NELL2: variants seen among roughly 807,000 people sequenced by gnomAD.
The protein encoded by NELL2 is protein kinase C-binding protein NELL2.
In NELL2, 41 loss-of-function variants were observed where a neutral mutation model predicts 109.6. The ratio of observed to expected loss-of-function variants is 0.37; its 90% CI spans 0.29 to 0.49. The LOEUF (loss-of-function observed/expected upper bound fraction) is 0.49, where lower values mean the gene tolerates loss of function less well. Ranked by LOEUF, NELL2 falls within the 20% of genes least tolerant of loss-of-function variation. The pLI is 0.98. For synonymous variants in NELL2, 355 were observed against 344.7 expected (o/e 1.03, Z -0.33); for missense variants, 900 against 1,008.3 (o/e 0.89, Z 1.45).
chr12:44,825,615 C>T (rs1203206527), intron 2 of NELL2, among the ~76,000 whole-genome samples: 8 of 150,528 alleles, frequency 5.3e-5, no homozygotes, highest in Middle Eastern at 3.4e-3. Flanking sequence ...AAGATGGTCT[C>T]GATCTCTTGA....
intron 9 of NELL2, among the ~76,000 whole-genome samples, chr12:44,771,180 G>A (rs1017691288): frequency 3.3e-5 from 5 of 152,032 alleles, no homozygotes; most frequent in African/African-American, 7.2e-5. Flanking sequence ...GCCTGAGACC[G>A]GGATAAAGGA....
chr12:44,525,382 T>C (rs1056959092), intron 16 of NELL2, among the ~76,000 whole-genome samples: 2 of 152,198 alleles, frequency 1.3e-5, no homozygotes, highest in Non-Finnish European at 2.9e-5. Flanking sequence ...GGCATGTACT[T>C]GTTATACCTG....
At chr12:44,840,938 A>G (rs1592636284) in intron 2 of NELL2, among the ~76,000 whole-genome samples, 1 of 152,210 alleles carries the variant, frequency 6.6e-6, no homozygotes. Context: ...TGAGGCGATA[A>G]CAAGTAGTTT....
chr12:44,844,487 G>A (rs1233060652), intron 2 of NELL2, among the ~76,000 whole-genome samples: 1 of 152,148 alleles, frequency 6.6e-6, no homozygotes, highest in African/African-American at 2.4e-5. Flanking sequence ...CTACAACATA[G>A]AAAACTAAGC....
intron 17 of NELL2, chr12:44,522,783 C>T (rs1050740483): frequency 6.4e-6 from 1 of 155,182 alleles, no homozygotes; most frequent in Admixed American, 6.3e-5. Flanking sequence ...TGGATCACAG[C>T]ATGTTCATTC....
intron 9 of NELL2, among the ~76,000 whole-genome samples, chr12:44,768,643 A>AT (rs1941428615): frequency 6.6e-6 from 1 of 152,112 alleles, no homozygotes; most frequent in Admixed American, 6.6e-5. Context: ...TTTCAGCTCA[A>AT]TTTTTTGCTG....
chr12:44,706,664 T>C (rs565841708), intron 11 of NELL2, among the ~76,000 whole-genome samples: 36 of 152,314 alleles, frequency 2.4e-4, no homozygotes, highest in African/African-American at 6.7e-4. Context: ...CATAATAATA[T>C]ATTATTCGTT....
intron 2 of NELL2, among the ~76,000 whole-genome samples, chr12:44,833,879 G>A (rs1943964492): frequency 6.6e-6 from 1 of 152,162 alleles, no homozygotes. Flanking sequence ...AAGTTGTTAG[G>A]ATTTAAAATC....
At chr12:44,651,734 A>G (rs995168715) in intron 13 of NELL2, among the ~76,000 whole-genome samples, 1 of 152,092 alleles carries the variant, frequency 6.6e-6, no homozygotes, top group African/African-American at 2.4e-5. Context: ...ACCATAAATC[A>G]TGGGTCACAA....
rs372554897 is a variant in NELL2, at chr12:44,578,066, A to G, written c.1663+29103T>C. On this transcript the variant is annotated intron_variant, in intron 15 of 19. Coordinates refer to ENST00000429094, the MANE Select transcript of NELL2 (RefSeq NM_001145108.2). ...TATCTTTGAATACTCTGTAGTACCA[A>G]ACGTTATCCCTTAAATGTAGTTCAG... is the stretch of plus-strand genomic sequence containing the variant. Among the ~76,000 whole-genome samples the G allele has an allele frequency of 5.3e-5, 8 of 152,294 alleles. No homozygotes were observed. In the South Asian group the frequency reaches 1.7e-3, roughly 32 times the overall value.
chr12:44,513,325 A>G (rs959462341), intron 19 of NELL2, among the ~76,000 whole-genome samples: 60 of 152,002 alleles, frequency 3.9e-4, no homozygotes, highest in African/African-American at 1.4e-3. Flanking sequence ...CAAGAAGCCA[A>G]TGGAACCTAT....
chr12:44,823,924 G>A (rs1943620602), intron 2 of NELL2, among the ~76,000 whole-genome samples: 1 of 152,064 alleles, frequency 6.6e-6, no homozygotes, highest in Non-Finnish European at 1.5e-5. Context: ...TTTGATAATA[G>A]TCATTTTAAC....
chr12:44,907,274 A>G (rs1207282913), intron 1 of NELL2, among the ~76,000 whole-genome samples: 1 of 152,124 alleles, frequency 6.6e-6, no homozygotes, highest in Non-Finnish European at 1.5e-5. Context: ...AGACTAACTG[A>G]GATCACAAAG....
At position 44,702,485 on chromosome 12, in the gene NELL2, T is replaced by G. The variant is rs144493441; in HGVS notation, c.1318+1241A>C. Among the ~76,000 whole-genome samples, 324 of 152,280 alleles carry G rather than the reference T, an allele frequency of 2.1e-3. 1 individual carries two copies. The highest frequency in any genetic ancestry group is 7.6e-3 in the African/African-American group (315 of 41,572). ...GTAAAATTCAAAACAAAGTATCACA[T>G]GAATTTGTATCATGTAGTTTCATGT... On this transcript the variant is annotated intron_variant, in intron 12 of 19. Transcript: ENST00000429094.
intron 13 of NELL2, among the ~76,000 whole-genome samples, chr12:44,626,680 G>A (rs764960593): frequency 1.3e-5 from 2 of 152,038 alleles, no homozygotes; most frequent in Non-Finnish European, 2.9e-5. Context: ...GGACCCTGTC[G>A]GCTGCATCTC....
At position 44,711,346 on chromosome 12, in the gene NELL2, A is replaced by G; in HGVS notation, c.1135T>C (p.Cys379Arg). Residue 379 changes from cysteine (C) to arginine (R), a missense_variant, in exon 11 of 20, where the codon TGT (cysteine) becomes CGT (arginine). By Grantham distance (180) the Cys-to-Arg change is radical (BLOSUM62 -3). Around this residue, in one of 4 missense-constraint regions of NELL2, gnomAD observed 292 missense variants for 265.3 expected, o/e 1.10. Coordinates refer to ENST00000429094, the MANE Select transcript of NELL2 (RefSeq NM_001145108.2). The stretch of plus-strand genomic sequence containing the variant: ...AAGGTTATCTGATGAGACTCTGGAC[A>G]ATCCAAAGCTGGACAGCCTGAACTC... The part of the protein sequence containing the change: ...VESSGCPALD[C>R]PESHQITLSH... 2 of 1,612,710 alleles carry G rather than the reference A, an allele frequency of 1.2e-6. No homozygotes were observed. The highest frequency in any genetic ancestry group is 1.7e-6 in the Non-Finnish European group (2 of 1,178,970).
At chr12:44,772,286 C>T (rs1941581208) in intron 9 of NELL2, among the ~76,000 whole-genome samples, 6 of 152,192 alleles carry the variant, frequency 3.9e-5, no homozygotes. Context: ...CACACACGCA[C>T]AAACACACAT....
At chr12:44,773,366 C>G (rs979904147) in intron 9 of NELL2, among the ~76,000 whole-genome samples, 2 of 152,002 alleles carry the variant, frequency 1.3e-5, no homozygotes, top group Non-Finnish European at 1.5e-5. Flanking sequence ...GTCCCGACTA[C>G]TCAGGAGGCT....
intron 16 of NELL2, among the ~76,000 whole-genome samples, chr12:44,527,495 T>C (rs1312176571): frequency 2.0e-5 from 3 of 152,214 alleles, no homozygotes; most frequent in South Asian, 2.1e-4. Context: ...TAAACATGTA[T>C]GTTGTAGATC....
Sources: gnomAD v4.1 joint callset for allele counts (sites outside exome capture counted in the v4.1 genomes callset) on GRCh38, gnomAD v4.1.1 for gene constraint, gnomAD v4.1.1 regional missense constraint, MANE v1.5 for transcripts, NCBI Gene and HGNC (gene_info 2026-07-23, HGNC 2026-07-21) for gene names.